The following SEMA3D variants were observed in gnomAD, a reference collection of about 807,000 sequenced individuals.
SEMA3D encodes the protein semaphorin 3D.
A neutral mutation model predicts 100.1 loss-of-function variants in SEMA3D; 84 were observed. The ratio of observed to expected loss-of-function variants is 0.84; its 90% confidence interval spans 0.70 to 1.01. The LOEUF is 1.01. SEMA3D is among the 50% of genes least tolerant of loss of function. The probability of loss-of-function intolerance (pLI) is 0.00; values close to 1 mark genes in which losing one functional copy is unlikely to be tolerated. For synonymous variants in SEMA3D, 312 were observed against 320.7 expected, an observed-to-expected ratio of 0.97 and a Z score of 0.29; for missense variants, 875 against 934.1, an observed-to-expected ratio of 0.94 and a Z score of 0.82.
chr7:85,045,743 G>A (rs1790989413), intron 9 of SEMA3D, among the ~76,000 whole-genome samples: 1 of 151,804 alleles, frequency 6.6e-6, no homozygotes, highest in African/African-American at 2.4e-5. Flanking sequence ...GTGAGAAGAT[G>A]TATATCTGGA....
the SEMA3D span, among the ~76,000 whole-genome samples, chr7:85,230,447 G>A: frequency 6.6e-6 from 1 of 152,114 alleles, no homozygotes; most frequent in African/African-American, 2.4e-5. Flanking sequence ...ACAGTTCCAG[G>A]AGTGTTTCAC....
At chr7:85,040,774 T>G in intron 10 of SEMA3D, 32 bp from the exon 11 acceptor site, 1 of 965,074 alleles carries the variant, frequency 1.0e-6, no homozygotes, top group Non-Finnish European at 1.7e-6. Flanking sequence ...TATTTACTCT[T>G]ATTTTTCAGT....
rs1168817628 is a variant in SEMA3D at position 85,039,891 on chromosome 7, C to A, written c.1046+782G>T. ...CTTACCAATGAACTTAACCATTTAT[C>A]CACGTATTTCCTTAGTACTATCACT... is the stretch of plus-strand genomic sequence containing the variant. On this transcript the variant is annotated intron_variant, in intron 11 of 18. Transcript: ENST00000284136. 5.3e-5 allele frequency among the ~76,000 whole-genome samples: 8 copies of A among 151,876 alleles called. No homozygotes were observed. In the East Asian group the frequency reaches 1.2e-3, roughly 22 times the overall value.
chr7:85,202,044 A>G, the SEMA3D span, among the ~76,000 whole-genome samples: 1 of 151,002 alleles, frequency 6.6e-6, no homozygotes, highest in South Asian at 2.1e-4. Context: ...CTTTTTATTT[A>G]TTTATTTATT....
the SEMA3D span, among the ~76,000 whole-genome samples, chr7:85,211,607 C>T: frequency 2.0e-5 from 3 of 151,970 alleles, no homozygotes; most frequent in African/African-American, 7.2e-5. Flanking sequence ...GCATGAAAGG[C>T]TTCAGAAATA....
intron 3 of SEMA3D, among the ~76,000 whole-genome samples, chr7:85,119,066 A>G (rs1319589534): frequency 6.6e-6 from 1 of 152,222 alleles, no homozygotes; most frequent in East Asian, 1.9e-4. Flanking sequence ...ACAAGATACC[A>G]TCTCACACTA....
chr7:85,022,740 G>C (rs569476178), intron 12 of SEMA3D, 127 bp from the exon 13 acceptor site: 1 of 654,448 alleles, frequency 1.5e-6, no homozygotes, highest in Non-Finnish European at 2.7e-6. Flanking sequence ...GAGTCAATAT[G>C]GAATCATGTG....
chr7:85,235,834 C>A, the SEMA3D span, among the ~76,000 whole-genome samples: 1 of 152,092 alleles, frequency 6.6e-6, no homozygotes, highest in Non-Finnish European at 1.5e-5. Context: ...TGAGTGAAGC[C>A]AGTCTTAGGA....
intron 2 of SEMA3D, chr7:85,144,800 T>G (rs1790156107): frequency 2.5e-6 from 1 of 395,524 alleles, no homozygotes; most frequent in African/African-American, 2.2e-5. Flanking sequence ...TATTATATAT[T>G]CCTACTTTAA....
rs78757145 is a variant in SEMA3D at position 84,999,125 on chromosome 7, C to T, written c.*315G>A. The T allele has an allele frequency of 2.5e-3, 852 of 341,518 alleles. 9 individuals carry two copies. Among genetic ancestry groups the T allele is most frequent in the African/African-American group, 0.017 (791 of 47,728 alleles). The allele number at this position is 341,518 out of a possible 1,614,324, so 21.2% of individuals were successfully genotyped here. A position where few individuals can be genotyped will look rare whatever the true frequency, so the allele number is the denominator to read the frequency against. ...AAAGCACCTTATACACTATCAAATTCGGGGCTTGCTTAGCTCAACTATTTA... is the reference window on the plus strand; with the variant it reads ...AAAGCACCTTATACACTATCAAATTTGGGGCTTGCTTAGCTCAACTATTTA... On this transcript the variant is annotated 3_prime_UTR_variant, in exon 19 of 19. Coordinates refer to ENST00000284136, the MANE Select transcript of SEMA3D (RefSeq NM_001384900.1).
chr7:85,010,246 A>G (rs1291114168), intron 17 of SEMA3D, among the ~76,000 whole-genome samples: 1 of 151,870 alleles, frequency 6.6e-6, no homozygotes, highest in South Asian at 2.1e-4. Context: ...GGGTCAGAGA[A>G]TATACTAGCG....
chr7:85,243,220 G>A, the SEMA3D span, among the ~76,000 whole-genome samples: 3 of 152,178 alleles, frequency 2.0e-5, no homozygotes, highest in Non-Finnish European at 4.4e-5. Context: ...GGGACAGGAT[G>A]TAATGGCATA....
At chr7:85,029,245 G>A (rs1790477280) in intron 12 of SEMA3D, 4 of 761,124 alleles carry the variant, frequency 5.3e-6, no homozygotes, top group African/African-American at 1.7e-5. Context: ...AATGCCAAGG[G>A]CATCCTCAAT....
chr7:85,159,713 C>A (rs1790693114), intron 1 of SEMA3D, among the ~76,000 whole-genome samples: 1 of 152,174 alleles, frequency 6.6e-6, no homozygotes, highest in African/African-American at 2.4e-5. Flanking sequence ...TAGTGCTGAA[C>A]TCCACTCCAG....
At chr7:85,244,586 A>G in the SEMA3D span, among the ~76,000 whole-genome samples, 2 of 152,140 alleles carry the variant, frequency 1.3e-5, no homozygotes, top group Non-Finnish European at 2.9e-5. Flanking sequence ...TCCAGGAGGT[A>G]TGTGTCAGTC....
At chr7:85,008,914 T>A (rs1468592305) in intron 17 of SEMA3D, among the ~76,000 whole-genome samples, 1 of 151,748 alleles carries the variant, frequency 6.6e-6, no homozygotes, top group Non-Finnish European at 1.5e-5. Context: ...GCGTATAAGG[T>A]GTATATGAAA....
At chr7:85,209,839 C>A in the SEMA3D span, among the ~76,000 whole-genome samples, 3 of 152,026 alleles carry the variant, frequency 2.0e-5, no homozygotes, top group Non-Finnish European at 4.4e-5. Context: ...TCAATTAAAA[C>A]ACATTTTTTT....
At chr7:85,076,077 C>T (rs549771883) in intron 5 of SEMA3D, among the ~76,000 whole-genome samples, 1 of 152,302 alleles carries the variant, frequency 6.6e-6, no homozygotes, top group African/African-American at 2.4e-5. Flanking sequence ...TTGTAACTTT[C>T]CCTGAAAGCT....
At chr7:85,223,142 T>G in the SEMA3D span, among the ~76,000 whole-genome samples, 2 of 150,482 alleles carry the variant, frequency 1.3e-5, no homozygotes, top group African/African-American at 2.4e-5. Flanking sequence ...TGGCCACAAT[T>G]AAAAAAAAAT....
Sources: allele counts gnomAD v4.1 joint callset (sites outside exome capture counted in the v4.1 genomes callset), GRCh38; gene constraint gnomAD v4.1.1; transcripts MANE v1.5; gene names NCBI Gene and HGNC (gene_info 2026-07-23, HGNC 2026-07-21).